The following CREBRF variants were observed in gnomAD, a reference collection of about 807,000 sequenced individuals.
The protein encoded by CREBRF is CREB3 regulatory factor, also known as UPF0474 protein C5orf41.
Under a neutral mutation model 66.1 loss-of-function variants are expected in CREBRF, and 5 were observed. The ratio of observed to expected loss-of-function variants is 0.08; its 90% CI spans 0.04 to 0.16. The LOEUF is 0.16. Ranked by LOEUF, CREBRF falls within the 10% of genes least tolerant of loss-of-function variation. The probability of loss-of-function intolerance (pLI) is 1.00; values close to 1 mark genes in which losing one functional copy is unlikely to be tolerated. For missense variants in CREBRF, 531 were observed against 744.9 expected (o/e 0.71, Z 3.34); for synonymous variants, 229 against 264.4 (o/e 0.87, Z 1.30).
At chr5:173,076,681 A>G (rs1323504418) in intron 1 of CREBRF, among the ~76,000 whole-genome samples, 1 of 148,822 alleles carries the variant, frequency 6.7e-6, no homozygotes, top group Non-Finnish European at 1.5e-5. Flanking sequence ...GCTTGAATCC[A>G]GGAGGTGGAG....
chr5:173,070,182 C>T (rs1757556609), intron 1 of CREBRF, among the ~76,000 whole-genome samples: 2 of 152,136 alleles, frequency 1.3e-5, no homozygotes, highest in Non-Finnish European at 2.9e-5. Flanking sequence ...CAGTGAACCA[C>T]TGTACCTTGC....
At chr5:173,060,496 G>A (rs1387131995) in intron 1 of CREBRF, 1 of 152,108 alleles carries the variant, frequency 6.6e-6, no homozygotes, top group Admixed American at 6.6e-5. Context: ...CTCCCAAAGA[G>A]CTGGGATTAC....
At chr5:173,076,265 T>G (rs1188807753) in intron 1 of CREBRF, among the ~76,000 whole-genome samples, 3 of 152,086 alleles carry the variant, frequency 2.0e-5, no homozygotes, top group African/African-American at 7.2e-5. Context: ...CTGTGTCCAG[T>G]GATAATGTCA....
chr5:173,073,980 AAAAT>A (rs56812993), intron 1 of CREBRF, among the ~76,000 whole-genome samples: 27 of 150,058 alleles, frequency 1.8e-4, no homozygotes, highest in African/African-American at 3.2e-4. Context: ...ATAAAAAATA[AAAAT>A]AAATAAATAA....
chr5:173,068,516 T>C (rs55756597), intron 1 of CREBRF, among the ~76,000 whole-genome samples: 2,986 of 152,326 alleles, frequency 0.02, 102 homozygotes, highest in African/African-American at 0.067. Context: ...TGTAATTGTT[T>C]GAACAATAAA....
chr5:173,077,326 C>T (rs931018321), intron 1 of CREBRF, among the ~76,000 whole-genome samples: 1 of 152,144 alleles, frequency 6.6e-6, no homozygotes. Context: ...TTTTAATCAT[C>T]TTTAGCTGTA....
rs754648770 is a variant in CREBRF at position 173,090,938 on chromosome 5, C to G, written c.759C>G (p.Ser253Arg). The G allele has an allele frequency of 6.2e-7, 1 of 1,614,122 alleles. No homozygotes were observed. The highest frequency in any genetic ancestry group is 8.5e-7 in the Non-Finnish European group (1 of 1,180,030). Reference sequence around the variant, plus strand: ...TGCAACAGAGCCGGCCCTTGTTGAGCCAGATTCACACAGATGCAGCAAAGG... The same window carrying G: ...TGCAACAGAGCCGGCCCTTGTTGAGGCAGATTCACACAGATGCAGCAAAGG... ...NPVQQSRPLL[S>R]QIHTDAAKEN... is the part of the protein sequence containing the mutation. The change falls in exon 4 of 9, where the codon AGC becomes AGG. Residue 253 changes from serine to arginine, a missense_variant. By Grantham distance (110) the Ser-to-Arg change is moderately radical. Coordinates refer to ENST00000296953, the MANE Select transcript of CREBRF (RefSeq NM_153607.3). The surrounding 1 kb of genome is among the most constrained non-coding windows in gnomAD (Gnocchi z 4.5).
chr5:173,115,432 T>G (rs1758966373), intron 7 of CREBRF, among the ~76,000 whole-genome samples: 1 of 152,044 alleles, frequency 6.6e-6, no homozygotes, highest in Non-Finnish European at 1.5e-5. Context: ...AAAGTAACTT[T>G]ATTTACTTTT....
intron 1 of CREBRF, among the ~76,000 whole-genome samples, chr5:173,062,941 G>A (rs1411264316): frequency 4.0e-5 from 6 of 151,782 alleles, no homozygotes; most frequent in Admixed American, 3.9e-4. Flanking sequence ...TAGAGACGGG[G>A]TTTCACCGTT....
intron 1 of CREBRF, among the ~76,000 whole-genome samples, chr5:173,061,363 C>T (rs1200414601): frequency 6.6e-6 from 1 of 152,208 alleles, no homozygotes; most frequent in Non-Finnish European, 1.5e-5. Flanking sequence ...GTACAGTCTC[C>T]TGCCTTGAAG....
At chr5:173,086,709 A>C in intron 3 of CREBRF, 83 bp downstream of exon 3, 3 of 1,270,010 alleles carry the variant, frequency 2.4e-6, no homozygotes, top group Non-Finnish European at 3.2e-6. Flanking sequence ...AAATGCCTGA[A>C]AAAAAAAGAT....
At chr5:173,105,067 T>C (rs1758716308) in intron 4 of CREBRF, among the ~76,000 whole-genome samples, 1 of 152,160 alleles carries the variant, frequency 6.6e-6, no homozygotes, top group Non-Finnish European at 1.5e-5. Flanking sequence ...CAAGTCTCCA[T>C]GAGCATTTTA....
intron 7 of CREBRF, among the ~76,000 whole-genome samples, chr5:173,115,108 C>CTTTTTTTTTTT (rs751890606): frequency 2.1e-5 from 3 of 140,302 alleles, no homozygotes; most frequent in South Asian, 2.3e-4. Context: ...TTTTCTTTTT[C>CTTTTTTTTTTT]TTTTTTTTTT....
intron 8 of CREBRF, among the ~76,000 whole-genome samples, chr5:173,127,518 T>C (rs1362213049): frequency 6.6e-6 from 1 of 151,204 alleles, no homozygotes; most frequent in Non-Finnish European, 1.5e-5. Flanking sequence ...AGAGTGCAGT[T>C]GCACGATCTC....
At chr5:173,071,448 G>A (rs1339083959) in intron 1 of CREBRF, among the ~76,000 whole-genome samples, 1 of 151,998 alleles carries the variant, frequency 6.6e-6, no homozygotes, top group Non-Finnish European at 1.5e-5. Flanking sequence ...GACCTCAGGT[G>A]ATCCACCCAT....
At position 173,123,187 on chromosome 5, in the gene CREBRF, A is replaced by T; in HGVS notation, c.1789A>T (p.Ile597Phe). The T allele has an allele frequency of 6.2e-7, 1 of 1,600,926 alleles. No individual in the cohort carries two copies. The highest frequency in any genetic ancestry group is 8.5e-7 in the Non-Finnish European group (1 of 1,176,848). The change falls in exon 8 of 9, where the codon ATT becomes TTT. Residue 597 changes from isoleucine to phenylalanine, a missense_variant. Coordinates refer to ENST00000296953, the MANE Select transcript of CREBRF (RefSeq NM_153607.3). ...CATGGGGCAGAAGCTTGAAATCCTC[A>T]TTAAAGATACTCTCGGTAAGAAGAA... The part of the protein sequence containing the change: ...PNMGQKLEIL[I>F]KDTLGLPVAG...
At chr5:173,113,234 A>G (rs939096940) in intron 7 of CREBRF, among the ~76,000 whole-genome samples, 39 of 152,074 alleles carry the variant, frequency 2.6e-4, no homozygotes, top group Admixed American at 7.2e-4. Context: ...GGCTCAAGCA[A>G]TCTGCCCACC....
intron 7 of CREBRF, among the ~76,000 whole-genome samples, chr5:173,120,718 G>GGA (rs796353869): frequency 1.4e-3 from 136 of 93,996 alleles, no homozygotes; most frequent in African/African-American, 5.4e-3. Flanking sequence ...TTTTTGAGAT[G>GGA]GAGTCTTGCT....
intron 4 of CREBRF, among the ~76,000 whole-genome samples, chr5:173,104,740 A>AGTGTGTGT (rs1554125525): frequency 4.8e-5 from 7 of 146,130 alleles, no homozygotes; most frequent in African/African-American, 1.8e-4. Context: ...AGAGAGAGAG[A>AGTGTGTGT]GTGTGTGTGT....
Sources: gnomAD v4.1 joint callset for allele counts (sites outside exome capture counted in the v4.1 genomes callset) on GRCh38, gnomAD v4.1.1 for gene constraint, Gnocchi (gnomAD v3.1) non-coding constraint, MANE v1.5 for transcripts, NCBI Gene and HGNC (gene_info 2026-07-23, HGNC 2026-07-21) for gene names.